The following ZFPM2 variants were observed in gnomAD, a reference collection of about 807,000 sequenced individuals.
ZFPM2 encodes zinc finger protein ZFPM2.
In ZFPM2, 20 loss-of-function variants were observed where a neutral mutation model predicts 98.6. The observed-to-expected ratio is 0.20, with a 90% CI of 0.14 to 0.29. ZFPM2 has a LOEUF of 0.29. Among genes scored for constraint, ZFPM2 ranks in the 10% least tolerant of loss-of-function variants. The probability of loss-of-function intolerance (pLI) is 1.00; values close to 1 mark genes in which losing one functional copy is unlikely to be tolerated. For synonymous variants in ZFPM2, 518 were observed against 502.7 expected, an observed-to-expected ratio of 1.03 and a Z score of -0.41; for missense variants, 1,310 against 1,388.6, an observed-to-expected ratio of 0.94 and a Z score of 0.90.
chr8:105,405,172 C>A (rs1439577673), intron 1 of ZFPM2, among the ~76,000 whole-genome samples: 1 of 152,012 alleles, frequency 6.6e-6, no homozygotes, highest in East Asian at 1.9e-4. Flanking sequence ...CCAGGTAGGA[C>A]AAGGGTGTTC....
chr8:105,764,500 C>G (rs1812814789), intron 5 of ZFPM2, among the ~76,000 whole-genome samples: 1 of 151,402 alleles, frequency 6.6e-6, no homozygotes, highest in South Asian at 2.1e-4. Context: ...CAATAATTCA[C>G]TGAATCAATA....
chr8:105,333,702 A>G (rs1355147936), intron 1 of ZFPM2, among the ~76,000 whole-genome samples: 1 of 151,706 alleles, frequency 6.6e-6, no homozygotes, highest in Non-Finnish European at 1.5e-5. Context: ...GGATGGGTTA[A>G]ATAAAATTAT....
At chr8:105,510,634 G>A (rs1260780471) in intron 3 of ZFPM2, among the ~76,000 whole-genome samples, 1 of 152,130 alleles carries the variant, frequency 6.6e-6, no homozygotes, top group African/African-American at 2.4e-5. Context: ...AAGGTGATTG[G>A]AATTACTTTC....
chr8:105,743,658 T>C (rs1812277139), intron 5 of ZFPM2, among the ~76,000 whole-genome samples: 1 of 152,072 alleles, frequency 6.6e-6, no homozygotes, highest in Admixed American at 6.6e-5. Context: ...GAACCAGTCA[T>C]CTGGCCCCTT....
At chr8:105,336,651 C>T (rs1348441833) in intron 1 of ZFPM2, among the ~76,000 whole-genome samples, 2 of 150,224 alleles carry the variant, frequency 1.3e-5, no homozygotes, top group African/African-American at 2.4e-5. Flanking sequence ...CTGGGAAACG[C>T]TTTATAAGAT....
chr8:105,792,929 A>G (rs945179160), intron 6 of ZFPM2, among the ~76,000 whole-genome samples: 20 of 151,128 alleles, frequency 1.3e-4, no homozygotes, highest in Admixed American at 2.6e-4. Flanking sequence ...TTTGTTTTCC[A>G]TTTGCTTGGT....
chr8:105,341,486 C>T (rs1812430923), intron 1 of ZFPM2, among the ~76,000 whole-genome samples: 1 of 151,596 alleles, frequency 6.6e-6, no homozygotes, highest in South Asian at 2.1e-4. Flanking sequence ...GGTAACAATG[C>T]AATATATATT....
intron 1 of ZFPM2, among the ~76,000 whole-genome samples, chr8:105,366,663 TC>T (rs1407548910): frequency 3.6e-5 from 3 of 83,466 alleles, no homozygotes; most frequent in Non-Finnish European, 7.0e-5. Flanking sequence ...GTGCTATCCC[TC>T]CCCCCTCCCC....
intron 4 of ZFPM2, among the ~76,000 whole-genome samples, chr8:105,620,456 T>C (rs1044248783): frequency 6.6e-6 from 1 of 152,148 alleles, no homozygotes; most frequent in Non-Finnish European, 1.5e-5. Flanking sequence ...GGGCAGATTG[T>C]AAAAATGTTC....
chr8:105,489,966 C>G lies in ZFPM2; in HGVS notation c.301+45585C>G, dbSNP rs566396137. Among the ~76,000 whole-genome samples the G allele has an allele frequency of 1.1e-3, 170 of 151,996 alleles. 1 individual carries two copies. The highest frequency in any genetic ancestry group is 4.0e-3 in the African/African-American group (166 of 41,472). The stretch of plus-strand genomic sequence containing the variant: ...TAGATTATTTTTAAAAAATGATGTC[C>G]TGCCAGGTGCGGTGGCTCACACCTG... On this transcript the variant is annotated intron_variant, in intron 3 of 7. Transcript: ENST00000407775.
chr8:105,644,248 G>A (rs1052128224), intron 5 of ZFPM2, among the ~76,000 whole-genome samples: 4 of 150,928 alleles, frequency 2.7e-5, no homozygotes, highest in Non-Finnish European at 5.9e-5. Flanking sequence ...TGCACTGTGC[G>A]CTGGCTCTGC....
intron 5 of ZFPM2, among the ~76,000 whole-genome samples, chr8:105,704,497 C>T (rs1057136856): frequency 5.9e-5 from 9 of 152,132 alleles, no homozygotes; most frequent in Non-Finnish European, 1.0e-4. Flanking sequence ...TAACTACTTT[C>T]GCTCTTCCAA....
intron 5 of ZFPM2, among the ~76,000 whole-genome samples, chr8:105,749,390 A>C (rs1812424391): frequency 6.6e-6 from 1 of 152,102 alleles, no homozygotes; most frequent in South Asian, 2.1e-4. Context: ...TTTAATAAAT[A>C]GTTTCCCTTT....
chr8:105,561,881 T>C (rs923544278), intron 4 of ZFPM2, among the ~76,000 whole-genome samples: 3 of 152,204 alleles, frequency 2.0e-5, no homozygotes, highest in African/African-American at 7.2e-5. Context: ...TAATACTGTT[T>C]GTACCTTTAA....
intron 3 of ZFPM2, among the ~76,000 whole-genome samples, chr8:105,536,666 T>C (rs1393203425): frequency 6.6e-6 from 1 of 152,122 alleles, no homozygotes; most frequent in Non-Finnish European, 1.5e-5. Flanking sequence ...TTGTGAATGT[T>C]GAATAAGATA....
At position 105,803,731 on chromosome 8, in the gene ZFPM2, A is replaced by AATT; in HGVS notation, c.*195_*197dup. On this transcript the variant is annotated 3_prime_UTR_variant, in exon 8 of 8. Coordinates refer to ENST00000407775, the MANE Select transcript of ZFPM2 (RefSeq NM_012082.4). ...GTATTATTGGTGCCATTTTCAAAAA[A>AATT]ATTAATTTATTTTACCAGCAGTATT... 1.7e-6 allele frequency: 1 copy of AATT among 583,002 alleles called. No individual in the cohort carries two copies. The highest frequency in any genetic ancestry group is 2.9e-5 in the East Asian group (1 of 34,270). The allele number at this position is 583,002 out of a possible 1,614,324, so 36.1% of individuals were successfully genotyped here.
intron 3 of ZFPM2, among the ~76,000 whole-genome samples, chr8:105,555,298 T>C (rs1283480311): frequency 6.6e-6 from 1 of 152,076 alleles, no homozygotes; most frequent in Admixed American, 6.6e-5. Flanking sequence ...ACTGCAAAAA[T>C]ATGAACTGGG....
intron 5 of ZFPM2, among the ~76,000 whole-genome samples, chr8:105,752,742 A>T (rs1205214470): frequency 6.6e-6 from 1 of 152,148 alleles, no homozygotes; most frequent in African/African-American, 2.4e-5. Flanking sequence ...ATATGGTTGC[A>T]GTCATAACCC....
At chr8:105,724,825 A>G (rs1043025724) in intron 5 of ZFPM2, among the ~76,000 whole-genome samples, 1 of 151,686 alleles carries the variant, frequency 6.6e-6, no homozygotes, top group Non-Finnish European at 1.5e-5. Flanking sequence ...TATTTTATGC[A>G]TTCATGGCAC....
Sources: allele counts gnomAD v4.1 joint callset (sites outside exome capture counted in the v4.1 genomes callset), GRCh38; gene constraint gnomAD v4.1.1; transcripts MANE v1.5; gene names NCBI Gene and HGNC (gene_info 2026-07-23, HGNC 2026-07-21).